OPRD1: variants seen among roughly 807,000 people sequenced by gnomAD.
OPRD1 encodes the protein opioid receptor delta 1.
OPRD1 carries 19 observed loss-of-function variants against 17.5 expected under a neutral mutation model. That is an observed-to-expected ratio of 1.09 (90% CI 0.76 to 1.60). The LOEUF is 1.60. OPRD1 is among the 40% of genes most tolerant of loss of function. The pLI, the probability that OPRD1 is intolerant of heterozygous loss-of-function variation, is 0.00. For missense variants in OPRD1, 483 were observed against 547.2 expected, an observed-to-expected ratio of 0.88 and a Z score of 1.17; for synonymous variants, 256 against 240.9, an observed-to-expected ratio of 1.06 and a Z score of -0.58.
chr1:28,832,791 C>A (rs948251058), intron 1 of OPRD1, among the ~76,000 whole-genome samples: 4 of 152,112 alleles, frequency 2.6e-5, no homozygotes, highest in Admixed American at 2.0e-4. Context: ...GACCCACTTC[C>A]TGGGGTGTGT....
Position 28,864,025 on chromosome 1 carries a change from T to C in OPRD1, c.*742T>C, listed in dbSNP as rs1227433839. ...GGCTCAAGCCTGTAATCCCAGCACT[T>C]TGGGAGGCCGAGGCAGGTGGATGGA... On this transcript the variant is annotated 3_prime_UTR_variant, in exon 3 of 3. Transcript: ENST00000234961. 1 of 152,582 alleles carries C rather than the reference T, an allele frequency of 6.6e-6. No individual in the cohort carries two copies. Among genetic ancestry groups the C allele is most frequent in the African/African-American group, 2.4e-5 (1 of 41,428 alleles). 9.5% of individuals were successfully genotyped at this position (152,582 alleles called of 1,614,324 possible). A position where few individuals can be genotyped will look rare whatever the true frequency, so the allele number is the denominator to read the frequency against.
At chr1:28,813,802 T>TA (rs2088651067) in intron 1 of OPRD1, among the ~76,000 whole-genome samples, 1 of 152,172 alleles carries the variant, frequency 6.6e-6, no homozygotes, top group Non-Finnish European at 1.5e-5. Flanking sequence ...ACTCAGAGGT[T>TA]AGAGAGATGA....
intron 1 of OPRD1, among the ~76,000 whole-genome samples, chr1:28,822,417 A>G (rs1237671517): frequency 6.6e-6 from 1 of 152,038 alleles, no homozygotes; most frequent in African/African-American, 2.4e-5. Flanking sequence ...AGACAAGCAG[A>G]ATTGCAGGCC....
chr1:28,822,696 G>A (rs1404376497), intron 1 of OPRD1, among the ~76,000 whole-genome samples: 2 of 151,520 alleles, frequency 1.3e-5, no homozygotes, highest in East Asian at 3.9e-4. Flanking sequence ...CACCATGTTG[G>A]CCAGGTTGGT....
At chr1:28,830,302 C>T (rs1009977771) in intron 1 of OPRD1, among the ~76,000 whole-genome samples, 48 of 151,650 alleles carry the variant, frequency 3.2e-4, no homozygotes, top group African/African-American at 7.5e-4. Context: ...GTGAGAGAAT[C>T]GCTTGAGCCC....
chr1:28,835,150 A>G (rs2088841405), intron 1 of OPRD1, among the ~76,000 whole-genome samples: 1 of 152,102 alleles, frequency 6.6e-6, no homozygotes. Flanking sequence ...CCAGGGTCTG[A>G]TATGCCACAT....
At chr1:28,838,832 G>A (rs2088873956) in intron 1 of OPRD1, among the ~76,000 whole-genome samples, 1 of 152,170 alleles carries the variant, frequency 6.6e-6, no homozygotes, top group Admixed American at 6.5e-5. Flanking sequence ...CAATTAGTTA[G>A]GGACAGAGCT....
intron 1 of OPRD1, among the ~76,000 whole-genome samples, chr1:28,817,799 G>C (rs2088681534): frequency 6.6e-6 from 1 of 151,772 alleles, no homozygotes; most frequent in Admixed American, 6.6e-5. Flanking sequence ...CTGCCTCCCT[G>C]GTTCAAGGGA....
At chr1:28,830,077 GTCT>G (rs1201580153) in intron 1 of OPRD1, among the ~76,000 whole-genome samples, 2 of 152,128 alleles carry the variant, frequency 1.3e-5, no homozygotes, top group Admixed American at 6.6e-5. Flanking sequence ...ATATTGTTGT[GTCT>G]CAGGGAATAG....
Position 28,866,031 on chromosome 1 carries a change from G to A in OPRD1, c.*2748G>A, listed in dbSNP as rs1220021124. On this transcript the variant is annotated 3_prime_UTR_variant, in exon 3 of 3. Transcript: ENST00000234961. Reference sequence around the variant, plus strand: ...TCTGTCCTGAGGTCAGCAGGGCCCGGGTCCGGACCACGTGTGTTTAAGGTA... The same window carrying A: ...TCTGTCCTGAGGTCAGCAGGGCCCGAGTCCGGACCACGTGTGTTTAAGGTA... The A allele has an allele frequency of 6.6e-6, 1 of 152,174 alleles. No homozygotes were observed. Among genetic ancestry groups the A allele is most frequent in the African/African-American group, 2.4e-5 (1 of 41,414 alleles). 9.4% of individuals were successfully genotyped at this position (152,174 alleles called of 1,614,324 possible).
chr1:28,828,856 G>T (rs2124266902), intron 1 of OPRD1, among the ~76,000 whole-genome samples: 1 of 152,094 alleles, frequency 6.6e-6, no homozygotes, highest in African/African-American at 2.4e-5. Flanking sequence ...CGGGTGTGAT[G>T]ATGTGCACCT....
At chr1:28,839,038 G>A (rs1031536010) in intron 1 of OPRD1, among the ~76,000 whole-genome samples, 1 of 138,126 alleles carries the variant, frequency 7.2e-6, no homozygotes, top group Non-Finnish European at 1.5e-5. Flanking sequence ...CAGCCTCCCA[G>A]GAGCTGAGAC....
At chr1:28,822,731 C>G (rs1264378864) in intron 1 of OPRD1, among the ~76,000 whole-genome samples, 1 of 151,694 alleles carries the variant, frequency 6.6e-6, no homozygotes, top group Non-Finnish European at 1.5e-5. Flanking sequence ...CTCAAATGAT[C>G]CACCTGCCTC....
At chr1:28,835,574 TG>T (rs573419097) in intron 1 of OPRD1, among the ~76,000 whole-genome samples, 345 of 152,362 alleles carry the variant, frequency 2.3e-3, no homozygotes, top group Admixed American at 6.6e-3. Context: ...GGGCTTGTTT[TG>T]CCAGTCGTGG....
chr1:28,813,116 G>A (rs1448162537), intron 1 of OPRD1, among the ~76,000 whole-genome samples: 1 of 152,206 alleles, frequency 6.6e-6, no homozygotes, highest in South Asian at 2.1e-4. Context: ...GTCATATTTG[G>A]TGCTCATCTG....
At chr1:28,817,220 C>T (rs1240078032) in intron 1 of OPRD1, among the ~76,000 whole-genome samples, 2 of 152,186 alleles carry the variant, frequency 1.3e-5, no homozygotes, top group Non-Finnish European at 2.9e-5. Flanking sequence ...CAAGCCGGAT[C>T]GCCTCACTGC....
At position 28,859,107 on chromosome 1, in the gene OPRD1, C is replaced by A. The variant is rs200006198; in HGVS notation, c.381C>A (p.Ile127=). ...GELLCKAVLS[I]DYYNMFTSIF... ...TGCTCTGCAAGGCTGTGCTCTCCAT[C>A]GACTACTACAATATGTTCACCAGCA... The change falls in exon 2 of 3, where the codon ATC becomes ATA. Residue 127 remains isoleucine, a synonymous_variant. Coordinates refer to ENST00000234961, the MANE Select transcript of OPRD1 (RefSeq NM_000911.4). 14 of 1,614,210 alleles carry A rather than the reference C, an allele frequency of 8.7e-6. No homozygotes were observed. The highest frequency in any genetic ancestry group is 1.6e-4 in the Middle Eastern group (1 of 6,062).
intron 1 of OPRD1, among the ~76,000 whole-genome samples, chr1:28,840,695 G>T (rs1165385464): frequency 6.6e-6 from 1 of 152,184 alleles, no homozygotes; most frequent in African/African-American, 2.4e-5. Flanking sequence ...GCCAAAGTGG[G>T]TGGATCACTT....
intron 2 of OPRD1, 64 bp from the exon 3 acceptor site, chr1:28,862,678 G>T: frequency 3.3e-6 from 5 of 1,498,018 alleles, no homozygotes; most frequent in Non-Finnish European, 4.5e-6. Flanking sequence ...GGGCAAGCAG[G>T]TGGGGGCCCC....
Sources: allele counts gnomAD v4.1 joint callset (sites outside exome capture counted in the v4.1 genomes callset), GRCh38; gene constraint gnomAD v4.1.1; transcripts MANE v1.5; gene names NCBI Gene and HGNC (gene_info 2026-07-23, HGNC 2026-07-21).